The following CNTLN variants were observed in gnomAD, a reference collection of about 807,000 sequenced individuals.
CNTLN encodes the protein centlein, also known as centlein, centrosomal protein.
A neutral mutation model predicts 180.0 loss-of-function variants in CNTLN; 212 were observed. That is an observed-to-expected ratio of 1.18 (90% confidence interval 1.05 to 1.32). The LOEUF (loss-of-function observed/expected upper bound fraction) is 1.32. CNTLN is among the 40% of genes most tolerant of loss of function. CNTLN has a pLI of 0.00. For synonymous variants in CNTLN, 722 were observed against 563.1 expected, an observed-to-expected ratio of 1.28 and a Z score of -3.99; for missense variants, 2,095 against 1,610.9, an observed-to-expected ratio of 1.30 and a Z score of -5.14.
At chr9:17,221,653 C>G (rs1315467057) in intron 2 of CNTLN, among the ~76,000 whole-genome samples, 1 of 152,062 alleles carries the variant, frequency 6.6e-6, no homozygotes, top group African/African-American at 2.4e-5. Context: ...TGACAATGAT[C>G]TTGTATAAAT....
At chr9:17,150,229 C>T (rs1818762961) in intron 2 of CNTLN, among the ~76,000 whole-genome samples, 1 of 152,200 alleles carries the variant, frequency 6.6e-6, no homozygotes, top group Non-Finnish European at 1.5e-5. Flanking sequence ...TTTGCCCATG[C>T]ATATGTCCTG....
chr9:17,351,656 G>A (rs941592389), intron 12 of CNTLN, among the ~76,000 whole-genome samples: 3 of 151,504 alleles, frequency 2.0e-5, no homozygotes, highest in African/African-American at 4.9e-5. Flanking sequence ...TCACTGTTAC[G>A]CCCTTATTCA....
At chr9:17,224,189 A>G (rs1057492621) in intron 2 of CNTLN, among the ~76,000 whole-genome samples, 1 of 152,038 alleles carries the variant, frequency 6.6e-6, no homozygotes, top group Admixed American at 6.6e-5. Context: ...AATTTGACAT[A>G]CTATGTATTA....
chr9:17,453,125 A>G (rs1830885668), intron 18 of CNTLN, among the ~76,000 whole-genome samples: 1 of 152,122 alleles, frequency 6.6e-6, no homozygotes, highest in African/African-American at 2.4e-5. Flanking sequence ...CAGGCTGGGC[A>G]ACACAGCAAG....
intron 15 of CNTLN, among the ~76,000 whole-genome samples, chr9:17,407,589 T>A (rs1473047856): frequency 6.6e-6 from 1 of 152,172 alleles, no homozygotes; most frequent in African/African-American, 2.4e-5. Flanking sequence ...CACTGTACAA[T>A]GGGAGAAATA....
intron 19 of CNTLN, among the ~76,000 whole-genome samples, chr9:17,459,361 C>T (rs949483057): frequency 6.6e-6 from 1 of 151,686 alleles, no homozygotes; most frequent in African/African-American, 2.4e-5. Flanking sequence ...ATGTGTGAGT[C>T]AGAAAGAGAA....
At chr9:17,221,269 A>G (rs1040905839) in intron 2 of CNTLN, among the ~76,000 whole-genome samples, 6 of 152,154 alleles carry the variant, frequency 3.9e-5, no homozygotes, top group Non-Finnish European at 8.8e-5. Context: ...TTAACATAAA[A>G]TAGTTGTATA....
Position 17,273,831 on chromosome 9 carries a change from A to G in CNTLN, c.948A>G (p.Glu316=), listed in dbSNP as rs1167319154. ...TACAGTTGAGTAATAAACAGACTGA[A>G]CTTATCCAGAAGGATATGGATATTA... ...LSLQLSNKQT[E]LIQKDMDITL... is the part of the protein sequence containing the mutation. Residue 316 remains glutamate (E), a synonymous_variant, in exon 6 of 26, where the codon GAA becomes GAG. Transcript: ENST00000380647. 6.4e-7 allele frequency: 1 copy of G among 1,572,296 alleles called. No homozygotes were observed. The highest frequency in any genetic ancestry group is 8.6e-7 in the Non-Finnish European group (1 of 1,163,528).
chr9:17,309,646 A>G (rs886416543), intron 8 of CNTLN, among the ~76,000 whole-genome samples: 2 of 136,990 alleles, frequency 1.5e-5, no homozygotes, highest in African/African-American at 5.4e-5. Context: ...TCAGTATCCA[A>G]TAGTCCTAAT....
chr9:17,357,101 A>G (rs1232399869), intron 12 of CNTLN, among the ~76,000 whole-genome samples: 4 of 152,036 alleles, frequency 2.6e-5, no homozygotes, highest in Non-Finnish European at 5.9e-5. Flanking sequence ...AAGTGGAATC[A>G]TTTAATATTT....
At chr9:17,462,838 T>C (rs1423570004) in intron 19 of CNTLN, 78 bp from the exon 20 acceptor site, 1 of 539,772 alleles carries the variant, frequency 1.9e-6, no homozygotes, top group Non-Finnish European at 3.2e-6. Context: ...TATTCTTCTT[T>C]AGAATGGCAC....
chr9:17,216,820 G>A (rs575460850), intron 2 of CNTLN, among the ~76,000 whole-genome samples: 269 of 152,330 alleles, frequency 1.8e-3, no homozygotes, highest in South Asian at 7.0e-3. Context: ...CTGCAAAGGG[G>A]TTGCAGTTTG....
intron 2 of CNTLN, among the ~76,000 whole-genome samples, chr9:17,154,554 C>A (rs1445429797): frequency 6.6e-6 from 1 of 152,198 alleles, no homozygotes; most frequent in Non-Finnish European, 1.5e-5. Flanking sequence ...AGCCAGAACT[C>A]TCCTGTATGA....
At chr9:17,315,567 C>G (rs1314562300) in intron 8 of CNTLN, among the ~76,000 whole-genome samples, 2 of 152,028 alleles carry the variant, frequency 1.3e-5, no homozygotes, top group African/African-American at 4.8e-5. Flanking sequence ...AATATGACTT[C>G]TGCACATTCT....
chr9:17,515,568 C>T, the CNTLN span, among the ~76,000 whole-genome samples: 2 of 152,138 alleles, frequency 1.3e-5, no homozygotes, highest in South Asian at 4.1e-4. Context: ...TCCCCCCAGT[C>T]AGTAAGTGGC....
chr9:17,498,799 A>T (rs1833590742), intron 25 of CNTLN, among the ~76,000 whole-genome samples: 1 of 152,090 alleles, frequency 6.6e-6, no homozygotes, highest in South Asian at 2.1e-4. Flanking sequence ...CAGCAGCATA[A>T]TGTTGGTTTG....
chr9:17,451,324 T>A (rs1393280440), intron 18 of CNTLN, among the ~76,000 whole-genome samples: 1 of 152,230 alleles, frequency 6.6e-6, no homozygotes, highest in Non-Finnish European at 1.5e-5. Context: ...ATAATAAGAT[T>A]TTAAAATTGC....
At chr9:17,154,487 T>C (rs1294399046) in intron 2 of CNTLN, among the ~76,000 whole-genome samples, 1 of 152,218 alleles carries the variant, frequency 6.6e-6, no homozygotes, top group Non-Finnish European at 1.5e-5. Context: ...GCAGCAAAGA[T>C]TGCTGCCTGT....
At chr9:17,200,261 T>C (rs960174285) in intron 2 of CNTLN, among the ~76,000 whole-genome samples, 1 of 152,194 alleles carries the variant, frequency 6.6e-6, no homozygotes, top group African/African-American at 2.4e-5. Flanking sequence ...TAGTTTGAAG[T>C]CAGGTAGCTT....
Sources: gnomAD v4.1 joint callset for allele counts (sites outside exome capture counted in the v4.1 genomes callset) on GRCh38, gnomAD v4.1.1 for gene constraint, MANE v1.5 for transcripts, NCBI Gene and HGNC (gene_info 2026-07-23, HGNC 2026-07-21) for gene names.